Variants in FAM174C observed in about 807,000 individuals in gnomAD.
The protein encoded by FAM174C is family with sequence similarity 174 member C, also known as protein FAM174C.
FAM174C carries 19 observed loss-of-function variants against 12.3 expected under a neutral mutation model. The ratio of observed to expected loss-of-function variants is 1.55; its 90% CI spans 1.08 to 2.27. FAM174C has a LOEUF of 2.27. Ranked by LOEUF, FAM174C falls within the 30% of genes most tolerant of loss-of-function variation. FAM174C has a pLI of 0.00. For missense variants in FAM174C, 239 were observed against 190.2 expected (o/e 1.26, Z -1.51); for synonymous variants, 147 against 103.5 (o/e 1.42, Z -2.55).
rs1402871792 is a variant in FAM174C, at chr19:1,275,558, G to A, written c.9G>A (p.Pro3=). The part of the protein sequence containing the change: MG[P]RVLQPPLLLL... ...ACCGCTTCCGCCGGGCCATGGGGCC[G>A]CGCGTGCTGCAGCCGCCGCTGCTGC... is the stretch of plus-strand genomic sequence containing the variant. Residue 3 remains proline, a synonymous_variant, in exon 1 of 3, where the codon CCG becomes CCA. Transcript: ENST00000409293. The A allele has an allele frequency of 4.9e-6, 6 of 1,213,644 alleles. No homozygotes were observed. The highest frequency in any genetic ancestry group is 4.4e-5 in the Admixed American group (1 of 22,724). 75.2% of individuals were successfully genotyped at this position (1,213,644 alleles called of 1,614,324 possible).
intron 2 of FAM174C, among the ~76,000 whole-genome samples, chr19:1,278,127 C>T (rs578223246): frequency 6.6e-6 from 1 of 152,256 alleles, no homozygotes. Flanking sequence ...GTAGTGGTTG[C>T]TCCATCTGGG....
Position 1,279,204 on chromosome 19 carries a change from C to A in FAM174C, c.*427C>A. ...GAACACCTTCTCGCCGGGCTGGGAA[C>A]AATAAATGCAGCCATGTCTCTGCAG... is the stretch of plus-strand genomic sequence containing the variant. On this transcript the variant is annotated 3_prime_UTR_variant, in exon 3 of 3. Coordinates refer to ENST00000409293, the MANE Select transcript of FAM174C (RefSeq NM_017914.4). 1 of 1,609,124 alleles carries A rather than the reference C, an allele frequency of 6.2e-7. No homozygotes were observed. The highest frequency in any genetic ancestry group is 1.1e-5 in the South Asian group (1 of 90,548).
In FAM174C at chr19:1,275,774, C is replaced by A; in HGVS notation, c.225C>A (p.Tyr75Ter). Residue 75 changes from tyrosine to a stop codon, truncating the protein, a stop_gained, in exon 1 of 3, where the codon TAC (tyrosine) becomes TAA (stop). Transcript: ENST00000409293. LOFTEE classifies it high-confidence loss of function. ...GCTCGGCGCTGACGCGCTCCTTCTA[C>A]GTGATCCTGGGCTTCTGCGGCCTGA... The part of the protein sequence containing the change: ...ASGSALTRSF[Y>*]VILGFCGLTA... The A allele has an allele frequency of 6.5e-7, 1 of 1,539,908 alleles. No individual in the cohort carries two copies. Among genetic ancestry groups the A allele is most frequent in the East Asian group, 2.5e-5 (1 of 40,780 alleles).
rs375145400 is a variant in FAM174C at position 1,279,075 on chromosome 19, G to T, written c.*298G>T. 6.5e-5 allele frequency: 105 copies of T among 1,612,242 alleles called. No individual in the cohort carries two copies. The highest frequency in any genetic ancestry group is 8.2e-5 in the Non-Finnish European group (97 of 1,180,004). Reference sequence around the variant, plus strand: ...AACAGCCACCGCCCAGGACGCTGAGGCTCCCTTGCCTGACTGTGACTTGTG... The same window carrying T: ...AACAGCCACCGCCCAGGACGCTGAGTCTCCCTTGCCTGACTGTGACTTGTG... On this transcript the variant is annotated 3_prime_UTR_variant, in exon 3 of 3. Transcript: ENST00000409293.
chr19:1,275,927 CCTCCCTCCCTCCCT>C, intron 1 of FAM174C, 97 bp downstream of exon 1: 1 of 944,990 alleles, frequency 1.1e-6, no homozygotes, highest in Non-Finnish European at 1.6e-6. Flanking sequence ...CCCCTCCCTC[CCTCCCTCCCTCCCT>C]CTCTCCCTGT....
chr19:1,277,137 G>C lies in FAM174C; in HGVS notation c.282-46G>C, dbSNP rs1232641881. 7.3e-6 allele frequency: 11 copies of C among 1,512,354 alleles called. No homozygotes were observed. In the Admixed American group the frequency reaches 2.0e-4, roughly 27 times the overall value. 93.7% of individuals were successfully genotyped at this position (1,512,354 alleles called of 1,614,324 possible). ...AGAGTCCTGAGGGAAGGAGGAGGCAGGGTTGGCGGGGAGGGGCCACTGACT... is the reference window on the plus strand; with the variant it reads ...AGAGTCCTGAGGGAAGGAGGAGGCACGGTTGGCGGGGAGGGGCCACTGACT... On this transcript the variant is annotated intron_variant, in intron 1 of 2. Transcript: ENST00000409293.
At position 1,275,543 on chromosome 19, in the gene FAM174C, C is replaced by G. The variant is rs1013042351; in HGVS notation, c.-7C>G. ...GGGCGGGGCGCCGCCACCGCTTCCG[C>G]CGGGCCATGGGGCCGCGCGTGCTGC... On this transcript the variant is annotated 5_prime_UTR_variant, in exon 1 of 3. Transcript: ENST00000409293. 2 of 1,206,678 alleles carry G rather than the reference C, an allele frequency of 1.7e-6. No individual in the cohort carries two copies. The highest frequency in any genetic ancestry group is 3.2e-5 in the African/African-American group (2 of 63,180). The allele number at this position is 1,206,678 out of a possible 1,614,324, so 74.7% of individuals were successfully genotyped here.
At chr19:1,277,350 G>A (rs1193083613) in intron 2 of FAM174C, 51 bp downstream of exon 2, 1 of 1,520,238 alleles carries the variant, frequency 6.6e-7, no homozygotes, top group African/African-American at 1.4e-5. Context: ...CTGGGCTGGA[G>A]ACTCAGCAGG....
chr19:1,276,185 G>A (rs2081414009), intron 1 of FAM174C: 1 of 284,984 alleles, frequency 3.5e-6, no homozygotes, highest in South Asian at 5.3e-5. Context: ...CCTTGTCGCC[G>A]GATGCCCGTC....
chr19:1,277,032 T>G, intron 1 of FAM174C, 151 bp from the exon 2 acceptor site: 2 of 1,207,736 alleles, frequency 1.7e-6, no homozygotes, highest in Non-Finnish European at 2.2e-6. Flanking sequence ...CACTTGGCGA[T>G]TAGGACATGA....
rs925364734 is a variant in FAM174C at position 1,275,804 on chromosome 19, G to A, written c.255G>A (p.Ala85=). The change falls in exon 1 of 3, where the codon GCG becomes GCA. Residue 85 remains alanine, a synonymous_variant. Transcript: ENST00000409293. ...TCCTGGGCTTCTGCGGCCTGACCGC[G>A]CTCTACTTCCTGATCCGGGCGTTTA... ...YVILGFCGLT[A]LYFLIRAFRL... 1 of 1,538,050 alleles carries A rather than the reference G, an allele frequency of 6.5e-7. No individual in the cohort carries two copies. Among genetic ancestry groups the A allele is most frequent in the Non-Finnish European group, 8.7e-7 (1 of 1,146,252 alleles).
rs1186241739 is a variant in FAM174C, at chr19:1,275,802, G to A, written c.253G>A (p.Ala85Thr). 2.6e-6 allele frequency: 4 copies of A among 1,538,082 alleles called. No homozygotes were observed. Among genetic ancestry groups the A allele is most frequent in the African/African-American group, 1.4e-5 (1 of 72,888 alleles). ...YVILGFCGLT[A>T]LYFLIRAFRL... ...GATCCTGGGCTTCTGCGGCCTGACC[G>A]CGCTCTACTTCCTGATCCGGGCGTT... The change falls in exon 1 of 3, where the codon GCG becomes ACG. Residue 85 changes from alanine (A) to threonine (T), a missense_variant. By Grantham distance (58) the Ala-to-Thr change is moderately conservative. Coordinates refer to ENST00000409293, the MANE Select transcript of FAM174C (RefSeq NM_017914.4).
rs2081421281 is a variant in FAM174C, at chr19:1,277,625, C to T, written c.398+326C>T. Among the ~76,000 whole-genome samples the T allele has an allele frequency of 2.6e-5, 4 of 151,594 alleles. 1 individual carries two copies. In the South Asian group the frequency reaches 8.3e-4, roughly 32 times the overall value. ...AGCTGGGATTACAGGCACCCGCCAC[C>T]ACGCCTCGCTAATTTTTTGTATTTA... On this transcript the variant is annotated intron_variant, in intron 2 of 2. Coordinates refer to ENST00000409293, the MANE Select transcript of FAM174C (RefSeq NM_017914.4).
Position 1,277,194 on chromosome 19 carries a change from C to G in FAM174C, c.293C>G (p.Pro98Arg), listed in dbSNP as rs774563106. 1.3e-6 allele frequency: 2 copies of G among 1,541,440 alleles called. No individual in the cohort carries two copies. Among genetic ancestry groups the G allele is most frequent in the Admixed American group, 2.0e-5 (1 of 50,838 alleles). ...GGACCTACTTCCAGGTTGAAGAAGC[C>G]TCAGCGGAGGCGATACGGCCTCCTC... ...FLIRAFRLKK[P>R]QRRRYGLLAN... The change falls in exon 2 of 3, where the codon CCT becomes CGT. Residue 98 changes from proline (P) to arginine (R), a missense_variant. By Grantham distance (103) the Pro-to-Arg change is moderately radical. Transcript: ENST00000409293.
intron 1 of FAM174C, 84 bp downstream of exon 1, chr19:1,275,914 C>T: frequency 8.1e-7 from 1 of 1,234,248 alleles, no homozygotes; most frequent in Non-Finnish European, 1.1e-6. Flanking sequence ...GCCGCGGGGT[C>T]CTCCCCTCCC....
chr19:1,276,892 TCA>T (rs1351658474), intron 1 of FAM174C: 1 of 228,956 alleles, frequency 4.4e-6, no homozygotes, highest in Admixed American at 5.6e-5. Context: ...TGTGTGAGCC[TCA>T]GTCTTTTCAT....
Position 1,278,924 on chromosome 19 carries a change from C to A in FAM174C, c.*147C>A, listed in dbSNP as rs769502412. The A allele has an allele frequency of 6.2e-7, 1 of 1,613,206 alleles. No individual in the cohort carries two copies. Among genetic ancestry groups the A allele is most frequent in the South Asian group, 1.1e-5 (1 of 91,090 alleles). ...CTCACCCAGTGCCAACCCGAGAGCTCCTTTTGGAACCTGCACAGCCCGCCG... is the reference window on the plus strand; with the variant it reads ...CTCACCCAGTGCCAACCCGAGAGCTACTTTTGGAACCTGCACAGCCCGCCG... On this transcript the variant is annotated 3_prime_UTR_variant, in exon 3 of 3. Coordinates refer to ENST00000409293, the MANE Select transcript of FAM174C (RefSeq NM_017914.4).
Position 1,279,149 on chromosome 19 carries a change from G to C in FAM174C, c.*372G>C, listed in dbSNP as rs756743401. ...CATGGCAGCCCAGAGCCAAGGCTGG[G>C]TGGGCAGGTGACCCAAGGAACCTTT... On this transcript the variant is annotated 3_prime_UTR_variant, in exon 3 of 3. Coordinates refer to ENST00000409293, the MANE Select transcript of FAM174C (RefSeq NM_017914.4). The C allele has an allele frequency of 6.2e-7, 1 of 1,613,040 alleles. No homozygotes were observed. The highest frequency in any genetic ancestry group is 8.5e-7 in the Non-Finnish European group (1 of 1,179,946).
At chr19:1,276,054 T>C (rs2081412962) in intron 1 of FAM174C, 1 of 531,862 alleles carries the variant, frequency 1.9e-6, no homozygotes, top group Non-Finnish European at 3.3e-6. Flanking sequence ...GGGTTGGAGG[T>C]GCCCAGCGCG....
Sources: gnomAD v4.1 joint callset for allele counts (sites outside exome capture counted in the v4.1 genomes callset) on GRCh38, gnomAD v4.1.1 for gene constraint, MANE v1.5 for transcripts, NCBI Gene and HGNC (gene_info 2026-07-23, HGNC 2026-07-21) for gene names.